Variants in CDK5RAP1 observed in about 807,000 individuals in gnomAD.
CDK5RAP1 encodes mitochondrial tRNA methylthiotransferase CDK5RAP1.
Under a neutral mutation model 64.5 loss-of-function variants are expected in CDK5RAP1, and 62 were observed. That is an observed-to-expected ratio of 0.96 (90% CI 0.78 to 1.19). The LOEUF is 1.19. Ranked by LOEUF, CDK5RAP1 falls within the 50% of genes most tolerant of loss-of-function variation. The pLI, the probability that CDK5RAP1 is intolerant of heterozygous loss-of-function variation, is 0.00. For synonymous variants in CDK5RAP1, 250 were observed against 261.9 expected, an observed-to-expected ratio of 0.95 and a Z score of 0.44; for missense variants, 657 against 735.0, an observed-to-expected ratio of 0.89 and a Z score of 1.23.
chr20:33,358,960 A>G lies in CDK5RAP1; in HGVS notation c.*83T>C. ...CTTGCAGCTTATCTCCACCTTCATG[A>G]CCTGTTTCCTCAGTGGCAGGCAATG... On this transcript the variant is annotated 3_prime_UTR_variant, in exon 14 of 14. Coordinates refer to ENST00000346416, the MANE Select transcript of CDK5RAP1 (RefSeq NM_016408.4). 1 of 983,242 alleles carries G rather than the reference A, an allele frequency of 1.0e-6. No individual in the cohort carries two copies. The highest frequency in any genetic ancestry group is 1.6e-6 in the Non-Finnish European group (1 of 624,528). 60.9% of individuals were successfully genotyped at this position (983,242 alleles called of 1,614,324 possible).
At position 33,360,348 on chromosome 20, in the gene CDK5RAP1, C is replaced by T; in HGVS notation, c.1683+3G>A. On this transcript the variant is annotated splice_donor_region_variant and intron_variant, in intron 13 of 13. Coordinates refer to ENST00000346416, the MANE Select transcript of CDK5RAP1 (RefSeq NM_016408.4). ...AAGCCAAAAGCCCAAAAGGACTCCTCACCTTCACCAGCACATAGTCCCCAG... is the reference window on the plus strand; with the variant it reads ...AAGCCAAAAGCCCAAAAGGACTCCTTACCTTCACCAGCACATAGTCCCCAG... 1 of 1,613,582 alleles carries T rather than the reference C, an allele frequency of 6.2e-7. No individual in the cohort carries two copies. Among genetic ancestry groups the T allele is most frequent in the Non-Finnish European group, 8.5e-7 (1 of 1,179,844 alleles).
chr20:33,368,413 C>T (rs990405390), intron 11 of CDK5RAP1, among the ~76,000 whole-genome samples: 1 of 151,670 alleles, frequency 6.6e-6, no homozygotes, highest in Non-Finnish European at 1.5e-5. Context: ...CGACTTCAGC[C>T]TCCCAAATAG....
intron 4 of CDK5RAP1, 119 bp from the exon 5 acceptor site, chr20:33,392,361 A>G (rs1988418618): frequency 2.1e-6 from 1 of 479,812 alleles, no homozygotes; most frequent in Admixed American, 3.8e-5. Flanking sequence ...AGCTTTTCCA[A>G]CCTGCAGCCC....
intron 12 of CDK5RAP1, 60 bp from the exon 13 acceptor site, chr20:33,360,551 A>G (rs1982733807): frequency 4.0e-6 from 6 of 1,483,586 alleles, no homozygotes; most frequent in Non-Finnish European, 5.5e-6. Context: ...CTTGGAGGGT[A>G]GAAACTGTGC....
chr20:33,400,184 G>A (rs1989272636), intron 1 of CDK5RAP1, among the ~76,000 whole-genome samples: 1 of 152,256 alleles, frequency 6.6e-6, no homozygotes, highest in African/African-American at 2.4e-5. Context: ...CAGCTTTGCT[G>A]CTCACCTCCT....
chr20:33,376,501 GAA>G (rs1266292439), intron 8 of CDK5RAP1, among the ~76,000 whole-genome samples: 1 of 152,054 alleles, frequency 6.6e-6, no homozygotes, highest in Non-Finnish European at 1.5e-5. Context: ...TACTGCTTAG[GAA>G]AAAAGATTCC....
intron 12 of CDK5RAP1, among the ~76,000 whole-genome samples, chr20:33,363,239 T>C (rs1983257495): frequency 6.6e-6 from 1 of 152,164 alleles, no homozygotes; most frequent in Non-Finnish European, 1.5e-5. Flanking sequence ...AAAGAAATAA[T>C]GACGAACCAT....
intron 5 of CDK5RAP1, among the ~76,000 whole-genome samples, chr20:33,390,712 C>A (rs1428513340): frequency 1.3e-5 from 2 of 152,092 alleles, no homozygotes; most frequent in African/African-American, 2.4e-5. Flanking sequence ...AGTGAAGGAA[C>A]TGAAATGGAA....
intron 7 of CDK5RAP1, among the ~76,000 whole-genome samples, chr20:33,383,038 G>A (rs1292195600): frequency 6.6e-6 from 1 of 151,624 alleles, no homozygotes; most frequent in Non-Finnish European, 1.5e-5. Flanking sequence ...AAAATTAGCT[G>A]GGTGTAGTGG....
intron 5 of CDK5RAP1, among the ~76,000 whole-genome samples, chr20:33,389,600 G>A (rs1355734251): frequency 9.6e-5 from 14 of 146,114 alleles, no homozygotes; most frequent in African/African-American, 3.0e-4. Context: ...GGCAGCCCCC[G>A]CCCGGCCAGC....
At chr20:33,370,726 G>A (rs1600723132) in intron 10 of CDK5RAP1, 97 bp from the exon 11 acceptor site, 2 of 1,291,886 alleles carry the variant, frequency 1.5e-6, no homozygotes, top group South Asian at 1.2e-5. Flanking sequence ...GATAGCAACT[G>A]TAAGGTCCTC....
Position 33,401,512 on chromosome 20 carries a change from T to A in CDK5RAP1, c.-105A>T. 2.0e-6 allele frequency: 2 copies of A among 985,316 alleles called. No homozygotes were observed. The highest frequency in any genetic ancestry group is 2.4e-6 in the Non-Finnish European group (2 of 829,938). The allele number at this position is 985,316 out of a possible 1,614,324, so 61.0% of individuals were successfully genotyped here. A position where few individuals can be genotyped will look rare whatever the true frequency, so the allele number is the denominator to read the frequency against. ...TCCCCTCACAGGTCCGCCGCTGCGT[T>A]CATACACAAGCGACTTCCGTTCCGC... On this transcript the variant is annotated 5_prime_UTR_variant, in exon 1 of 14. Coordinates refer to ENST00000346416, the MANE Select transcript of CDK5RAP1 (RefSeq NM_016408.4).
chr20:33,388,581 C>CTCT (rs1568719848), intron 5 of CDK5RAP1, among the ~76,000 whole-genome samples: 10 of 121,670 alleles, frequency 8.2e-5, no homozygotes, highest in South Asian at 6.0e-4. Flanking sequence ...TCCCCCTCTC[C>CTCT]CTCTCTCCTT....
chr20:33,396,923 C>T lies in CDK5RAP1; in HGVS notation c.142G>A (p.Glu48Lys). 1 of 1,614,222 alleles carries T rather than the reference C, an allele frequency of 6.2e-7. No homozygotes were observed. The highest frequency in any genetic ancestry group is 8.5e-7 in the Non-Finnish European group (1 of 1,180,038). Residue 48 changes from glutamate (E) to lysine (K), a missense_variant, in exon 2 of 14, where the codon GAG becomes AAG. Physicochemically the swap from Glu to Lys is moderately conservative, Grantham distance 56 (BLOSUM62 1). Transcript: ENST00000346416. ...CTGAAATCCTTCCGAGCTCCATCCT[C>T]CTGCCTCTCTGGACTGGGACACATG... ...STMCPSPERQ[E>K]DGARKDFSSR...
In CDK5RAP1 at chr20:33,374,227, C is replaced by A. The variant is rs754224878; in HGVS notation, c.1108-15G>T. The A allele has an allele frequency of 1.2e-5, 19 of 1,531,958 alleles. No homozygotes were observed. Among genetic ancestry groups the A allele is most frequent in the Non-Finnish European group, 1.6e-5 (18 of 1,105,082 alleles). 94.9% of individuals were successfully genotyped at this position (1,531,958 alleles called of 1,614,324 possible). On this transcript the variant is annotated splice_polypyrimidine_tract_variant and intron_variant, in intron 8 of 13. Coordinates refer to ENST00000346416, the MANE Select transcript of CDK5RAP1 (RefSeq NM_016408.4). Reference sequence around the variant, plus strand: ...AGCTGCAGAACCTGATGAAACAGAACACATTATAGGTAATCACAATCTCAC... The same window carrying A: ...AGCTGCAGAACCTGATGAAACAGAAAACATTATAGGTAATCACAATCTCAC...
chr20:33,362,193 C>A (rs1165915906), intron 12 of CDK5RAP1, among the ~76,000 whole-genome samples: 1 of 151,944 alleles, frequency 6.6e-6, no homozygotes, highest in East Asian at 1.9e-4. Flanking sequence ...AAAGAAAACA[C>A]AAAGGGGTAA....
intron 8 of CDK5RAP1, among the ~76,000 whole-genome samples, chr20:33,375,401 C>CAA (rs200212971): frequency 3.1e-4 from 18 of 57,404 alleles, no homozygotes; most frequent in Admixed American, 9.4e-4. Flanking sequence ...GACTCCATCT[C>CAA]AAAAAAAAAA....
intron 8 of CDK5RAP1, among the ~76,000 whole-genome samples, chr20:33,376,669 A>G (rs1986033352): frequency 6.6e-6 from 1 of 152,172 alleles, no homozygotes; most frequent in Admixed American, 6.6e-5. Flanking sequence ...TTCAAGCCCT[A>G]TTATTTTAAT....
chr20:33,396,854 T>C lies in CDK5RAP1; in HGVS notation c.211A>G (p.Ser71Gly). Residue 71 changes from serine to glycine, a missense_variant, in exon 2 of 14, where the codon AGT (serine) becomes GGT (glycine). Ser to Gly is a moderately conservative substitution (Grantham distance 56). Coordinates refer to ENST00000346416, the MANE Select transcript of CDK5RAP1 (RefSeq NM_016408.4). Reference protein sequence around the residue: ...AGPTFQHFLKSASAPQEKLSS... With the variant: ...AGPTFQHFLKGASAPQEKLSS... ...AGCTTCTCCTGAGGAGCTGAGGCAC[T>C]TTTTAAAAAATGTTGAAAAGTCGGT... 4 of 1,614,172 alleles carry C rather than the reference T, an allele frequency of 2.5e-6. No homozygotes were observed. The highest frequency in any genetic ancestry group is 3.4e-6 in the Non-Finnish European group (4 of 1,180,012).
Sources: gnomAD v4.1 joint callset for allele counts (sites outside exome capture counted in the v4.1 genomes callset) on GRCh38, gnomAD v4.1.1 for gene constraint, MANE v1.5 for transcripts, NCBI Gene and HGNC (gene_info 2026-07-23, HGNC 2026-07-21) for gene names.